The following GLP1R variants were observed in gnomAD, a reference collection of about 807,000 sequenced individuals.
GLP1R encodes glucagon like peptide 1 receptor.
Under a neutral mutation model 68.4 loss-of-function variants are expected in GLP1R, and 32 were observed. That is an observed-to-expected ratio of 0.47 (90% confidence interval 0.35 to 0.63). The LOEUF is 0.63. Ranked by LOEUF, GLP1R falls within the 20% of genes least tolerant of loss-of-function variation. GLP1R has a pLI of 0.00. For synonymous variants in GLP1R, 263 were observed against 244.4 expected (o/e 1.08, Z -0.71); for missense variants, 502 against 594.9 (o/e 0.84, Z 1.62).
rs544669785 is a variant in GLP1R at position 39,086,124 on chromosome 6, A to G, written c.*51A>G. The G allele has an allele frequency of 3.3e-6, 5 of 1,522,976 alleles. No homozygotes were observed. The highest frequency in any genetic ancestry group is 2.3e-5 in the South Asian group (2 of 87,776). 94.3% of individuals were successfully genotyped at this position (1,522,976 alleles called of 1,614,324 possible). ...GTCCTTGCTGCAGGCCGGGTGGCCA[A>G]TCCAGGTGGGAGAGACACTCCCAGG... is the stretch of plus-strand genomic sequence containing the variant. On this transcript the variant is annotated 3_prime_UTR_variant, in exon 13 of 13. Transcript: ENST00000373256. This position sits in a 1 kb window ranked among gnomAD's most constrained non-coding sequence, Gnocchi z 4.5.
chr6:39,070,297 C>T (rs752609342), intron 5 of GLP1R, among the ~76,000 whole-genome samples: 24 of 152,244 alleles, frequency 1.6e-4, no homozygotes, highest in Non-Finnish European at 2.8e-4. Context: ...CACATTGACA[C>T]GAGCAGTCCT....
At chr6:39,080,762 G>T in intron 12 of GLP1R, 23 bp downstream of exon 12, 1 of 1,535,824 alleles carries the variant, frequency 6.5e-7, no homozygotes, top group Non-Finnish European at 8.9e-7. Context: ...GAGGGACGGT[G>T]GGGACCCTGG....
rs1412444748 is a variant in GLP1R at position 39,072,984 on chromosome 6, A to G, written c.632A>G (p.Gln211Arg). 3.1e-6 allele frequency: 5 copies of G among 1,613,994 alleles called. No individual in the cohort carries two copies. The highest frequency in any genetic ancestry group is 3.4e-6 in the Non-Finnish European group (4 of 1,179,982). ...LKWMYSTAAQ[Q>R]HQWDGLLSYQ... ...TGGATGTATAGCACAGCCGCCCAGC[A>G]GCACCAGTGGGATGGGCTCCTCTCC... The change falls in exon 6 of 13, where the codon CAG (glutamine) becomes CGG (arginine). Residue 211 changes from glutamine (Q) to arginine (R), a missense_variant. Physicochemically the swap from Gln to Arg is conservative, Grantham distance 43. Transcript: ENST00000373256.
chr6:39,078,929 G>T, intron 8 of GLP1R, 28 bp from the exon 9 acceptor site: 1 of 1,593,646 alleles, frequency 6.3e-7, no homozygotes, highest in Non-Finnish European at 8.6e-7. Context: ...CCTGCTGGAT[G>T]CATGTGTGCA....
At chr6:39,080,270 A>G (rs1768962994) in intron 11 of GLP1R, among the ~76,000 whole-genome samples, 1 of 152,220 alleles carries the variant, frequency 6.6e-6, no homozygotes, top group Non-Finnish European at 1.5e-5. Flanking sequence ...GACATACAGA[A>G]CACAATTCTG....
chr6:39,066,153 G>A (rs2150827823), intron 4 of GLP1R, 44 bp from the exon 5 acceptor site: 5 of 1,097,098 alleles, frequency 4.6e-6, no homozygotes, highest in East Asian at 2.4e-5. Flanking sequence ...TGGGAAGAGG[G>A]CCATGGGCTG....
rs372886946 is a variant in GLP1R at position 39,061,723 on chromosome 6, A to G, written c.284-3988A>G. Among the ~76,000 whole-genome samples the G allele has an allele frequency of 3.9e-4, 59 of 152,298 alleles. No homozygotes were observed. In the East Asian group the frequency reaches 8.7e-3, roughly 22 times the overall value. On this transcript the variant is annotated intron_variant, in intron 3 of 12. Coordinates refer to ENST00000373256, the MANE Select transcript of GLP1R (RefSeq NM_002062.5). Reference sequence around the variant, plus strand: ...ACTTCACATGCTTTATCTTCTGGGAAGTCATTATGCTTCCCATTTTACAGA... The same window carrying G: ...ACTTCACATGCTTTATCTTCTGGGAGGTCATTATGCTTCCCATTTTACAGA...
intron 3 of GLP1R, among the ~76,000 whole-genome samples, chr6:39,061,264 A>C (rs1318588709): frequency 6.6e-6 from 1 of 152,154 alleles, no homozygotes; most frequent in East Asian, 1.9e-4. Context: ...TACAAACGAG[A>C]CTGGGAGGAG....
intron 12 of GLP1R, among the ~76,000 whole-genome samples, chr6:39,082,602 A>G (rs1364493541): frequency 2.0e-5 from 3 of 152,188 alleles, no homozygotes; most frequent in Non-Finnish European, 2.9e-5. Context: ...CATATCCTCA[A>G]AATGAGTTTC....
intron 1 of GLP1R, among the ~76,000 whole-genome samples, chr6:39,053,436 A>T (rs1029300448): frequency 6.6e-6 from 1 of 152,224 alleles, no homozygotes; most frequent in Non-Finnish European, 1.5e-5. Flanking sequence ...ATGAACATAT[A>T]TTCATTTCCT....
At chr6:39,082,118 G>C (rs1324681464) in intron 12 of GLP1R, among the ~76,000 whole-genome samples, 1 of 152,164 alleles carries the variant, frequency 6.6e-6, no homozygotes, top group Non-Finnish European at 1.5e-5. Context: ...GGGTGAAAGG[G>C]AAGGGAGGGG....
At position 39,066,287 on chromosome 6, in the gene GLP1R, A is replaced by G; in HGVS notation, c.493A>G (p.Ile165Val). Residue 165 changes from isoleucine (I) to valine (V), a missense_variant, in exon 5 of 13, where the codon ATC (isoleucine) becomes GTC (valine). Ile to Val is a conservative substitution (Grantham distance 29). Coordinates refer to ENST00000373256, the MANE Select transcript of GLP1R (RefSeq NM_002062.5). The part of the protein sequence containing the change: ...SFSALVIASA[I>V]LLGFRHLHCT... ...CTCTGCTCTGGTTATCGCCTCTGCG[A>G]TCCTCCTCGGCTTCAGGTAAGGTGG... 6.2e-7 allele frequency: 1 copy of G among 1,607,600 alleles called. No homozygotes were observed. The highest frequency in any genetic ancestry group is 8.5e-7 in the Non-Finnish European group (1 of 1,174,242).
At position 39,079,495 on chromosome 6, in the gene GLP1R, G is replaced by A; in HGVS notation, c.1044-69G>A. ...CAGGACTTGGTAGGAAGTGGGGAGGGTAGAGAAAGGGAAGAAGAGTCCATG... is the reference window on the plus strand; with the variant it reads ...CAGGACTTGGTAGGAAGTGGGGAGGATAGAGAAAGGGAAGAAGAGTCCATG... On this transcript the variant is annotated intron_variant, in intron 10 of 12. Coordinates refer to ENST00000373256, the MANE Select transcript of GLP1R (RefSeq NM_002062.5). The surrounding 1 kb of genome is among the most constrained non-coding windows in gnomAD (Gnocchi z 4.5). The A allele has an allele frequency of 2.1e-6, 3 of 1,425,880 alleles. No homozygotes were observed. Among genetic ancestry groups the A allele is most frequent in the Non-Finnish European group, 2.9e-6 (3 of 1,050,406 alleles). 88.3% of individuals were successfully genotyped at this position (1,425,880 alleles called of 1,614,324 possible). A position where few individuals can be genotyped will look rare whatever the true frequency, so the allele number is the denominator to read the frequency against.
chr6:39,051,707 G>T (rs557647305), intron 1 of GLP1R, among the ~76,000 whole-genome samples: 1 of 152,246 alleles, frequency 6.6e-6, no homozygotes, highest in African/African-American at 2.4e-5. Context: ...ACCAGGGGGA[G>T]AAGGGAGTAG....
intron 5 of GLP1R, among the ~76,000 whole-genome samples, chr6:39,068,156 A>C (rs927625374): frequency 1.3e-5 from 2 of 152,238 alleles, no homozygotes; most frequent in African/African-American, 4.8e-5. Flanking sequence ...GGAAGGAAGA[A>C]AGGGGTAACT....
At chr6:39,083,890 A>C (rs1196970726) in intron 12 of GLP1R, among the ~76,000 whole-genome samples, 1 of 152,198 alleles carries the variant, frequency 6.6e-6, no homozygotes, top group Non-Finnish European at 1.5e-5. Context: ...GCTGAGGAAC[A>C]GAAGGAACCT....
chr6:39,088,553 G>A lies in GLP1R; in HGVS notation c.*2480G>A, dbSNP rs1033472090. Among the ~76,000 whole-genome samples, 2 of 152,186 alleles carry A rather than the reference G, an allele frequency of 1.3e-5. No individual in the cohort carries two copies. The highest frequency in any genetic ancestry group is 4.8e-5 in the African/African-American group (2 of 41,444). ...TTTGTTTGAGCTTTGTAGCCACAAG[G>A]TCTGATGTCTGTTGTGAACAGCAGC... is the stretch of plus-strand genomic sequence containing the variant. On this transcript the variant is annotated 3_prime_UTR_variant, in exon 13 of 13. Coordinates refer to ENST00000373256, the MANE Select transcript of GLP1R (RefSeq NM_002062.5).
In GLP1R at chr6:39,087,249, A is replaced by T. The variant is rs1769174659; in HGVS notation, c.*1176A>T. ...TCTCCCATCTAGTGGAAATGAGCGA[A>T]ATCATGGTTGTAGTGATGTTGTTTG... On this transcript the variant is annotated 3_prime_UTR_variant, in exon 13 of 13. Coordinates refer to ENST00000373256, the MANE Select transcript of GLP1R (RefSeq NM_002062.5). 6.6e-6 allele frequency: 1 copy of T among 152,238 alleles called. No individual in the cohort carries two copies. The highest frequency in any genetic ancestry group is 1.5e-5 in the Non-Finnish European group (1 of 68,052). The allele number at this position is 152,238 out of a possible 1,614,324, so 9.4% of individuals were successfully genotyped here.
At chr6:39,057,631 C>T in intron 3 of GLP1R, 52 bp downstream of exon 3, 1 of 1,011,142 alleles carries the variant, frequency 9.9e-7, no homozygotes, top group Non-Finnish European at 1.5e-6. Context: ...GTGGTGAACC[C>T]CCTCCCCGAC....
Sources: gnomAD v4.1 joint callset for allele counts (sites outside exome capture counted in the v4.1 genomes callset) on GRCh38, gnomAD v4.1.1 for gene constraint, Gnocchi (gnomAD v3.1) non-coding constraint, MANE v1.5 for transcripts, NCBI Gene and HGNC (gene_info 2026-07-23, HGNC 2026-07-21) for gene names.